The following SFI1 variants were observed in gnomAD, a reference collection of about 807,000 sequenced individuals.
SFI1 encodes SFI1 centrin binding protein.
Under a neutral mutation model 207.5 loss-of-function variants are expected in SFI1, and 195 were observed. The ratio of observed to expected loss-of-function variants is 0.94; its 90% CI spans 0.84 to 1.06. SFI1 has a LOEUF of 1.06. SFI1 is among the 50% of genes least tolerant of loss of function. SFI1 has a pLI of 0.00. For synonymous variants in SFI1, 630 were observed against 598.9 expected, an observed-to-expected ratio of 1.05 and a Z score of -0.76; for missense variants, 1,634 against 1,588.0, an observed-to-expected ratio of 1.03 and a Z score of -0.49.
chr22:31,525,677 A>G (rs2057822647), intron 2 of SFI1, among the ~76,000 whole-genome samples: 1 of 152,154 alleles, frequency 6.6e-6, no homozygotes, highest in Non-Finnish European at 1.5e-5. Context: ...TGATTGCATC[A>G]CTGTATTCCA....
chr22:31,557,583 A>G (rs2061292909), intron 7 of SFI1, among the ~76,000 whole-genome samples: 1 of 152,216 alleles, frequency 6.6e-6, no homozygotes, highest in African/African-American at 2.4e-5. Flanking sequence ...ATCATAATTA[A>G]CATGAATTGA....
At position 31,613,350 on chromosome 22, in the gene SFI1, G is replaced by C. The variant is rs771637013; in HGVS notation, c.2566-4G>C. The C allele has an allele frequency of 2.5e-6, 4 of 1,606,234 alleles. No homozygotes were observed. The African/African-American group carries it at 4.0e-5, about 16-fold the overall frequency. On this transcript the variant is annotated splice_region_variant and splice_polypyrimidine_tract_variant and intron_variant, in intron 25 of 32. Coordinates refer to ENST00000400288, the MANE Select transcript of SFI1 (RefSeq NM_001007467.3). ...CTGGGCCTCACCTCCTGCCCTCCCT[G>C]GAGGTGTGGGCCACGTGGCTGGCCT... is the stretch of plus-strand genomic sequence containing the variant.
intron 2 of SFI1, among the ~76,000 whole-genome samples, chr22:31,516,522 G>GAA (rs200818192): frequency 1.4e-5 from 2 of 141,522 alleles, no homozygotes; most frequent in African/African-American, 2.6e-5. Flanking sequence ...AAGAAAGAAA[G>GAA]AAAAAAAAAA....
chr22:31,501,175 CT>C (rs773631022), intron 1 of SFI1, among the ~76,000 whole-genome samples: 3,615 of 138,868 alleles, frequency 0.026, 118 homozygotes, highest in African/African-American at 0.085. Flanking sequence ...GTAGACATAA[CT>C]TTTTTTTTTT....
rs1384309719 is a variant in SFI1, at chr22:31,589,574, AC to A, written c.1542del (p.His514GlnfsTer5). ...NVLSARATRF[H>X]RETLEKQVFS... is the part of the protein sequence containing the mutation. ...CTCAGTGCAAGAGCAACACGTTTCC[AC>A]AGGTATGTTGCGCAGCTCCTGTCTG... On this transcript the variant is annotated frameshift_variant and splice_region_variant, in exon 15 of 33. Transcript: ENST00000400288. LOFTEE classifies it high-confidence loss of function. The A allele has an allele frequency of 6.2e-7, 1 of 1,612,320 alleles. No individual in the cohort carries two copies. The highest frequency in any genetic ancestry group is 1.1e-5 in the South Asian group (1 of 90,700).
chr22:31,584,985 G>A (rs1398485539), intron 13 of SFI1, 83 bp from the exon 14 acceptor site: 10 of 1,194,582 alleles, frequency 8.4e-6, no homozygotes, highest in Non-Finnish European at 1.2e-5. Flanking sequence ...TAACTCACAG[G>A]AAGTAACTGT....
rs777070099 is a variant in SFI1 at position 31,578,445 on chromosome 22, G to C, written c.1148G>C (p.Ser383Thr). The C allele has an allele frequency of 5.0e-6, 8 of 1,613,152 alleles. No homozygotes were observed. The African/African-American group carries it at 1.1e-4, about 22-fold the overall frequency. ...ATGGCAGAAGAGCACCACAGGCACA[G>C]CCAGCTGGTAAGAGCCCTGCATCCT... ...FEMAEEHHRH[S>T]QLYFCFRALK... The change falls in exon 11 of 33, where the codon AGC becomes ACC. Residue 383 changes from serine (S) to threonine (T), a missense_variant. By Grantham distance (58) the Ser-to-Thr change is moderately conservative. Transcript: ENST00000400288.
At chr22:31,508,224 TTC>T in intron 1 of SFI1, 29 bp from the exon 2 acceptor site, 1 of 1,313,556 alleles carries the variant, frequency 7.6e-7, no homozygotes, top group Non-Finnish European at 1.1e-6. Context: ...GCAAATCATT[TTC>T]TCTCTTTTTT....
intron 8 of SFI1, among the ~76,000 whole-genome samples, chr22:31,568,829 G>T (rs528965489): frequency 1.1e-4 from 16 of 152,188 alleles, no homozygotes; most frequent in African/African-American, 3.6e-4. Flanking sequence ...TAGGCATAGT[G>T]GTGCCTGTAG....
chr22:31,496,514 G>A (rs562525930), upstream of SFI1: 1 of 152,254 alleles, frequency 6.6e-6, no homozygotes, highest in Non-Finnish European at 1.5e-5. Context: ...CGAGACTGGC[G>A]TCTAGAGGCG....
chr22:31,529,118 C>T (rs911827797), intron 3 of SFI1: 8 of 393,176 alleles, frequency 2.0e-5, no homozygotes, highest in East Asian at 1.1e-4. Context: ...AAAGTCTAAA[C>T]GTGGTCCAAG....
In SFI1 at chr22:31,528,808, T is replaced by C; in HGVS notation, c.211T>C (p.Tyr71His). 2.5e-6 allele frequency: 4 copies of C among 1,614,132 alleles called. No homozygotes were observed. The highest frequency in any genetic ancestry group is 3.4e-6 in the Non-Finnish European group (4 of 1,179,994). The change falls in exon 3 of 33, where the codon TAT (tyrosine) becomes CAT (histidine). Residue 71 changes from tyrosine (Y) to histidine (H), a missense_variant. Physicochemically the swap from Tyr to His is moderately conservative, Grantham distance 83. Transcript: ENST00000400288. ...ELPSTSHLVQ[Y>H]RGTHTCTRQG... Reference sequence around the variant, plus strand: ...ACCTAGTACCAGTCATCTAGTGCAGTATCGTGGCACACATACTTGTACCCG... The same window carrying C: ...ACCTAGTACCAGTCATCTAGTGCAGCATCGTGGCACACATACTTGTACCCG...
At chr22:31,532,479 A>G (rs192893571) in intron 4 of SFI1, among the ~76,000 whole-genome samples, 24 of 152,130 alleles carry the variant, frequency 1.6e-4, no homozygotes, top group African/African-American at 5.1e-4. Flanking sequence ...AGCCTTTGAG[A>G]ATGTAAGCAC....
At position 31,613,784 on chromosome 22, in the gene SFI1, G is replaced by C; in HGVS notation, c.2925G>C (p.Lys975Asn). ...CTGGGGATGGCACCCTTGAGACCAA[G>C]AGGCCACAGGCTTCTCGGCCTCTGG... is the stretch of plus-strand genomic sequence containing the variant. ...AGAGDGTLET[K>N]RPQASRPLGA... Residue 975 changes from lysine (K) to asparagine (N), a missense_variant, in exon 27 of 33, where the codon AAG (lysine) becomes AAC (asparagine). Transcript: ENST00000400288. 6.2e-7 allele frequency: 1 copy of C among 1,612,660 alleles called. No individual in the cohort carries two copies. Among genetic ancestry groups the C allele is most frequent in the Non-Finnish European group, 8.5e-7 (1 of 1,179,754 alleles).
At chr22:31,553,622 CT>C (rs2060837764) in intron 6 of SFI1, among the ~76,000 whole-genome samples, 1 of 149,760 alleles carries the variant, frequency 6.7e-6, no homozygotes, top group African/African-American at 2.5e-5. Context: ...ATCCACCTGC[CT>C]CGGCCTCCCA....
At chr22:31,585,023 G>C in intron 13 of SFI1, 45 bp from the exon 14 acceptor site, 1 of 1,591,580 alleles carries the variant, frequency 6.3e-7, no homozygotes, top group Non-Finnish European at 8.6e-7. Context: ...TTAAAACAAA[G>C]TTTTAAAAAC....
rs755533474 is a variant in SFI1 at position 31,602,273 on chromosome 22, A to G, written c.1606A>G (p.Asn536Asp). The change falls in exon 16 of 33, where the codon AAC becomes GAC. Residue 536 changes from asparagine to aspartate, a missense_variant. By Grantham distance (23) the Asn-to-Asp change is conservative. Transcript: ENST00000400288. ...WRQKMFQHRE[N>D]RLAERMAILH... ...GCAGAAGATGTTTCAGCATCGAGAA[A>G]ACCGCCTGGCAGAGAGAATGGTAAA... The G allele has an allele frequency of 2.5e-6, 4 of 1,614,092 alleles. No individual in the cohort carries two copies. The highest frequency in any genetic ancestry group is 1.3e-5 in the African/African-American group (1 of 75,040).
chr22:31,601,391 G>A (rs1325808200), intron 15 of SFI1, among the ~76,000 whole-genome samples: 1 of 152,082 alleles, frequency 6.6e-6, no homozygotes, highest in African/African-American at 2.4e-5. Context: ...CCAAAGTGCT[G>A]GGATTACAGG....
intron 31 of SFI1, 61 bp from the exon 32 acceptor site, chr22:31,618,054 A>C (rs935248018): frequency 8.6e-6 from 13 of 1,510,670 alleles, no homozygotes; most frequent in Non-Finnish European, 1.2e-5. Flanking sequence ...CCTCTCCCTG[A>C]GCCGGATGGG....
Sources: allele counts gnomAD v4.1 joint callset (sites outside exome capture counted in the v4.1 genomes callset), GRCh38; gene constraint gnomAD v4.1.1; transcripts MANE v1.5; gene names NCBI Gene and HGNC (gene_info 2026-07-23, HGNC 2026-07-21).